The following GRM1 variants were observed in gnomAD, a reference collection of about 807,000 sequenced individuals.
GRM1 encodes the protein metabotropic glutamate receptor 1.
In GRM1, 33 loss-of-function variants were observed where a neutral mutation model predicts 90.9. That is an observed-to-expected ratio of 0.36 (90% CI 0.28 to 0.49). GRM1 has a LOEUF of 0.49. Among genes scored for constraint, GRM1 ranks in the 20% least tolerant of loss-of-function variants. The pLI, the probability that GRM1 is intolerant of heterozygous loss-of-function variation, is 0.99. For missense variants in GRM1, 1,190 were observed against 1,534.3 expected, an observed-to-expected ratio of 0.78 and a Z score of 3.75; for synonymous variants, 700 against 613.2, an observed-to-expected ratio of 1.14 and a Z score of -2.09.
intron 3 of GRM1, among the ~76,000 whole-genome samples, chr6:146,351,898 A>G (rs1785424016): frequency 6.6e-6 from 1 of 152,228 alleles, no homozygotes; most frequent in Non-Finnish European, 1.5e-5. Context: ...TGATATAGGA[A>G]GATATTTAAT....
rs1156857603 is a variant in GRM1, at chr6:146,435,573, A to G, written c.*777A>G. 6.5e-6 allele frequency: 1 copy of G among 152,856 alleles called. No homozygotes were observed. The highest frequency in any genetic ancestry group is 6.5e-5 in the Admixed American group (1 of 15,312). The allele number at this position is 152,856 out of a possible 1,614,324, so 9.5% of individuals were successfully genotyped here. A position where few individuals can be genotyped will look rare whatever the true frequency, so the allele number is the denominator to read the frequency against. Reference sequence around the variant, plus strand: ...CAAAAAGTGCTTCATCAGGCGTGCTACAGGAGGAAGGAGCTAGAAATAGAA... The same window carrying G: ...CAAAAAGTGCTTCATCAGGCGTGCTGCAGGAGGAAGGAGCTAGAAATAGAA... On this transcript the variant is annotated 3_prime_UTR_variant, in exon 8 of 8. Coordinates refer to ENST00000282753, the MANE Select transcript of GRM1 (RefSeq NM_001278064.2).
chr6:146,338,589 A>G (rs1047376920), intron 3 of GRM1, among the ~76,000 whole-genome samples: 3 of 152,236 alleles, frequency 2.0e-5, no homozygotes, highest in Non-Finnish European at 4.4e-5. Context: ...GCCTTCAAAG[A>G]AATGATAGTC....
chr6:146,331,778 T>A (rs1167493971), intron 3 of GRM1, among the ~76,000 whole-genome samples: 2 of 152,192 alleles, frequency 1.3e-5, no homozygotes, highest in Admixed American at 6.6e-5. Flanking sequence ...AAAAAAATTC[T>A]AATCCCAAAC....
chr6:146,345,747 C>A (rs1485841317), intron 3 of GRM1, among the ~76,000 whole-genome samples: 1 of 152,032 alleles, frequency 6.6e-6, no homozygotes, highest in Admixed American at 6.6e-5. Flanking sequence ...TGGGAGAGGC[C>A]AAGAGGAATA....
At chr6:146,306,376 G>T (rs1323504798) in intron 3 of GRM1, among the ~76,000 whole-genome samples, 1 of 152,140 alleles carries the variant, frequency 6.6e-6, no homozygotes, top group African/African-American at 2.4e-5. Context: ...AGGGGAAACA[G>T]TTTCCCTAGG....
intron 2 of GRM1, among the ~76,000 whole-genome samples, chr6:146,228,690 A>G (rs1009568200): frequency 4.6e-5 from 7 of 152,170 alleles, no homozygotes; most frequent in African/African-American, 7.2e-5. Context: ...TATGTAAGAT[A>G]ACTCAATCAT....
chr6:146,326,889 A>G (rs1190065624), intron 3 of GRM1, among the ~76,000 whole-genome samples: 1 of 152,198 alleles, frequency 6.6e-6, no homozygotes, highest in Non-Finnish European at 1.5e-5. Flanking sequence ...AAATAAGAAT[A>G]CCAGGAAGTT....
intron 3 of GRM1, among the ~76,000 whole-genome samples, chr6:146,307,518 A>G (rs528197710): frequency 1.3e-5 from 2 of 152,268 alleles, no homozygotes; most frequent in African/African-American, 4.8e-5. Flanking sequence ...TTTCTGTGAA[A>G]TTGGCTTCAA....
intron 2 of GRM1, among the ~76,000 whole-genome samples, chr6:146,215,923 A>AT (rs1056855118): frequency 1.8e-4 from 28 of 151,930 alleles, no homozygotes; most frequent in Admixed American, 1.5e-3. Context: ...TGCCCGGCTA[A>AT]TTTTTTTGTA....
intron 2 of GRM1, among the ~76,000 whole-genome samples, chr6:146,225,565 T>A (rs1780210406): frequency 6.6e-6 from 1 of 152,170 alleles, no homozygotes; most frequent in African/African-American, 2.4e-5. Flanking sequence ...TCCTTGGGAC[T>A]TCAATCAGAA....
chr6:146,192,046 TACTA>T (rs1562520283), intron 2 of GRM1, among the ~76,000 whole-genome samples: 2 of 152,240 alleles, frequency 1.3e-5, no homozygotes, highest in East Asian at 3.8e-4. Flanking sequence ...TCAGACTACT[TACTA>T]ACCTCCTCAC....
intron 1 of GRM1, among the ~76,000 whole-genome samples, chr6:146,085,489 G>C (rs1274488467): frequency 6.6e-6 from 1 of 152,050 alleles, no homozygotes; most frequent in Non-Finnish European, 1.5e-5. Context: ...TAGATCACTC[G>C]TAAGTCTCTT....
intron 7 of GRM1, among the ~76,000 whole-genome samples, chr6:146,410,533 A>G (rs1015348284): frequency 6.6e-6 from 1 of 152,190 alleles, no homozygotes; most frequent in African/African-American, 2.4e-5. Context: ...AAACCTGGCC[A>G]CAACAATGTG....
chr6:146,028,876 C>T (rs1790599656), upstream of GRM1, among the ~76,000 whole-genome samples: 1 of 152,166 alleles, frequency 6.6e-6, no homozygotes, highest in Non-Finnish European at 1.5e-5. Flanking sequence ...GACCTAGCTC[C>T]TCCCCTCCTC....
intron 1 of GRM1, among the ~76,000 whole-genome samples, chr6:146,087,723 A>G (rs1776592551): frequency 6.6e-6 from 1 of 152,170 alleles, no homozygotes; most frequent in Non-Finnish European, 1.5e-5. Context: ...GAAGTTTTTG[A>G]GTTGGCATCA....
rs548774052 is a variant in GRM1 at position 146,297,808 on chromosome 6, G to A, written c.951-6803G>A. Among the ~76,000 whole-genome samples the A allele has an allele frequency of 2.6e-5, 4 of 152,232 alleles. No homozygotes were observed. The East Asian group carries it at 7.7e-4, about 29-fold the overall frequency. ...CCTGGTTGGCATCTCAGAATACAAG[G>A]GAGCAGCCCTGGAAAATTAACCCTC... On this transcript the variant is annotated intron_variant, in intron 2 of 7. Transcript: ENST00000282753.
chr6:146,097,445 G>A (rs190726976), intron 1 of GRM1, among the ~76,000 whole-genome samples: 1 of 152,264 alleles, frequency 6.6e-6, no homozygotes, highest in African/African-American at 2.4e-5. Context: ...ACAAGTAAGT[G>A]TCAGTGAGGA....
intron 3 of GRM1, among the ~76,000 whole-genome samples, chr6:146,314,642 C>T (rs962751037): frequency 6.6e-6 from 1 of 152,094 alleles, no homozygotes; most frequent in African/African-American, 2.4e-5. Flanking sequence ...AAAATAGCAT[C>T]ACAAAGGGAT....
At position 146,134,757 on chromosome 6, in the gene GRM1, C is replaced by T. The variant is rs1449304842; in HGVS notation, c.701-24591C>T. Among the ~76,000 whole-genome samples, 3 of 152,030 alleles carry T rather than the reference C, an allele frequency of 2.0e-5. No homozygotes were observed. In the East Asian group the frequency reaches 5.8e-4, roughly 29 times the overall value. ...CATCCTGACTACCACAGTGAAACCC[C>T]GTCTCTACTAAAAATACAAAAAATG... On this transcript the variant is annotated intron_variant, in intron 1 of 7. Transcript: ENST00000282753.
Sources: allele counts gnomAD v4.1 joint callset (sites outside exome capture counted in the v4.1 genomes callset), GRCh38; gene constraint gnomAD v4.1.1; transcripts MANE v1.5; gene names NCBI Gene and HGNC (gene_info 2026-07-23, HGNC 2026-07-21).